Variants in TTC29 observed in about 807,000 individuals in gnomAD.
The protein encoded by TTC29 is tetratricopeptide repeat domain 29.
A neutral mutation model predicts 58.1 loss-of-function variants in TTC29; 49 were observed. The observed-to-expected ratio is 0.84, with a 90% CI of 0.67 to 1.07. TTC29 has a LOEUF of 1.07. Ranked by LOEUF, TTC29 falls within the 50% of genes least tolerant of loss-of-function variation. The probability of loss-of-function intolerance (pLI) is 0.00; values close to 1 mark genes in which losing one functional copy is unlikely to be tolerated. For missense variants in TTC29, 582 were observed against 555.6 expected (o/e 1.05, Z -0.48); for synonymous variants, 209 against 196.8 (o/e 1.06, Z -0.52).
chr4:146,836,397 G>GGTCT (rs1385425473), intron 8 of TTC29, among the ~76,000 whole-genome samples: 4 of 152,052 alleles, frequency 2.6e-5, no homozygotes, highest in Non-Finnish European at 5.9e-5. Flanking sequence ...TTCACATGAG[G>GGTCT]GTCTTGCAAA....
At chr4:146,879,601 C>T (rs927290987) in intron 6 of TTC29, among the ~76,000 whole-genome samples, 1 of 152,118 alleles carries the variant, frequency 6.6e-6, no homozygotes, top group Admixed American at 6.6e-5. Flanking sequence ...TTTATAACTT[C>T]TACAAAGCTT....
chr4:146,883,511 G>A (rs1054360873), intron 6 of TTC29, among the ~76,000 whole-genome samples: 1 of 151,998 alleles, frequency 6.6e-6, no homozygotes, highest in Non-Finnish European at 1.5e-5. Context: ...GCCAGTTGAG[G>A]CACTAATTGG....
intron 2 of TTC29, chr4:146,942,598 G>A: frequency 6.5e-7 from 1 of 1,533,368 alleles, no homozygotes; most frequent in Non-Finnish European, 8.7e-7. Context: ...GAGGAGCTGT[G>A]AAGACTTTTC....
intron 11 of TTC29, among the ~76,000 whole-genome samples, chr4:146,790,432 C>A (rs1749356953): frequency 6.6e-6 from 1 of 152,008 alleles, no homozygotes; most frequent in African/African-American, 2.4e-5. Context: ...TGTGATCTGC[C>A]CACCTCAGCT....
chr4:146,709,358 C>T (rs1742318834), intron 11 of TTC29, among the ~76,000 whole-genome samples: 1 of 152,120 alleles, frequency 6.6e-6, no homozygotes, highest in African/African-American at 2.4e-5. Flanking sequence ...CCCAGCAATT[C>T]TTCTACTTCA....
intron 3 of TTC29, 39 bp downstream of exon 3, chr4:146,939,765 C>G: frequency 6.6e-7 from 1 of 1,518,660 alleles, no homozygotes; most frequent in East Asian, 2.3e-5. Context: ...ACAGAAAATT[C>G]CTTCTGTAGG....
chr4:146,926,553 C>A (rs1734946043), intron 4 of TTC29, among the ~76,000 whole-genome samples: 1 of 151,956 alleles, frequency 6.6e-6, no homozygotes, highest in African/African-American at 2.4e-5. Context: ...TGGCTCACTG[C>A]CCAGGTTCAA....
At chr4:146,942,807 G>A (rs1736533962) in intron 2 of TTC29, 1 of 505,922 alleles carries the variant, frequency 2.0e-6, no homozygotes. Context: ...GCATTATGCA[G>A]TGGGCACTGG....
Position 146,709,215 on chromosome 4 carries a change from C to T in TTC29, c.1331-1664G>A, listed in dbSNP as rs1579493908. On this transcript the variant is annotated intron_variant, in intron 11 of 12. Coordinates refer to ENST00000325106, the MANE Select transcript of TTC29 (RefSeq NM_031956.4). ...ATCTTGTCCTTTACATTACCACAGC[C>T]ATTAATTCTCCTGGTCATACTTAGA... Among the ~76,000 whole-genome samples, 5 of 152,216 alleles carry T rather than the reference C, an allele frequency of 3.3e-5. No homozygotes were observed. In the East Asian group the frequency reaches 9.7e-4, roughly 29 times the overall value.
chr4:146,760,221 A>G (rs1363389864), intron 11 of TTC29, among the ~76,000 whole-genome samples: 2 of 152,012 alleles, frequency 1.3e-5, no homozygotes, highest in African/African-American at 4.8e-5. Flanking sequence ...TTAGCAATAT[A>G]CCTAACCAAG....
chr4:146,927,833 A>G (rs1735040923), intron 4 of TTC29, among the ~76,000 whole-genome samples: 1 of 152,150 alleles, frequency 6.6e-6, no homozygotes, highest in Non-Finnish European at 1.5e-5. Context: ...GGCAGAACAC[A>G]TGTGCAAGGC....
At chr4:146,772,692 T>C (rs1007915327) in intron 11 of TTC29, among the ~76,000 whole-genome samples, 1 of 152,110 alleles carries the variant, frequency 6.6e-6, no homozygotes, top group African/African-American at 2.4e-5. Flanking sequence ...CTTAGGATTG[T>C]CTTGGCTGTT....
At chr4:146,817,148 G>A (rs1270071673) in intron 10 of TTC29, among the ~76,000 whole-genome samples, 2 of 152,214 alleles carry the variant, frequency 1.3e-5, no homozygotes, top group Non-Finnish European at 2.9e-5. Context: ...AATTGTCTCT[G>A]TTTGCAGACG....
At chr4:146,864,283 G>A (rs571657816) in intron 8 of TTC29, among the ~76,000 whole-genome samples, 4 of 151,900 alleles carry the variant, frequency 2.6e-5, no homozygotes, top group African/African-American at 7.2e-5. Context: ...GCCCATCTTC[G>A]CACCTCTGTT....
chr4:146,790,908 T>C (rs1163810432), intron 11 of TTC29, among the ~76,000 whole-genome samples: 1 of 152,224 alleles, frequency 6.6e-6, no homozygotes, highest in Non-Finnish European at 1.5e-5. Context: ...TCTGGACATT[T>C]TTTGTTGTTA....
At chr4:146,857,847 A>G (rs1729971943) in intron 8 of TTC29, among the ~76,000 whole-genome samples, 1 of 152,240 alleles carries the variant, frequency 6.6e-6, no homozygotes, top group Non-Finnish European at 1.5e-5. Context: ...AAGAGAAGTT[A>G]TTAACAAATT....
At chr4:146,848,574 G>A (rs935887678) in intron 8 of TTC29, among the ~76,000 whole-genome samples, 2 of 152,134 alleles carry the variant, frequency 1.3e-5, no homozygotes, top group Non-Finnish European at 2.9e-5. Context: ...TAACATACAA[G>A]CTGAAAATAA....
In TTC29 at chr4:146,747,964, G is replaced by A. The variant is rs147962212; in HGVS notation, c.1331-40413C>T. 1.3e-4 allele frequency among the ~76,000 whole-genome samples: 20 copies of A among 152,266 alleles called. No homozygotes were observed. In the East Asian group the frequency reaches 1.7e-3, roughly 13 times the overall value. ...GTCATTGCTGTGCTGTTCCCCACCC[G>A]CTGGAGCCCAAGTCACAGTGGCATC... On this transcript the variant is annotated intron_variant, in intron 11 of 12. Transcript: ENST00000325106.
At chr4:146,779,694 C>T (rs1459164721) in intron 11 of TTC29, among the ~76,000 whole-genome samples, 1 of 152,118 alleles carries the variant, frequency 6.6e-6, no homozygotes, top group Non-Finnish European at 1.5e-5. Flanking sequence ...AGTCTGGGCA[C>T]CACAGCACTT....
Sources: allele counts gnomAD v4.1 joint callset (sites outside exome capture counted in the v4.1 genomes callset), GRCh38; gene constraint gnomAD v4.1.1; transcripts MANE v1.5; gene names NCBI Gene and HGNC (gene_info 2026-07-23, HGNC 2026-07-21).